NECAB1: variants seen among roughly 807,000 people sequenced by gnomAD.
NECAB1 encodes the protein N-terminal EF-hand calcium-binding protein 1.
Under a neutral mutation model 57.5 loss-of-function variants are expected in NECAB1, and 29 were observed. The ratio of observed to expected loss-of-function variants is 0.50; its 90% confidence interval spans 0.38 to 0.69. NECAB1 has a LOEUF of 0.69. Ranked by LOEUF, NECAB1 falls within the 30% of genes least tolerant of loss-of-function variation. The pLI is 0.00. For missense variants in NECAB1, 372 were observed against 413.8 expected (o/e 0.90, Z 0.88); for synonymous variants, 142 against 147.7 (o/e 0.96, Z 0.28).
chr8:90,906,889 A>ATATATATATATATATATATATG (rs1809678455), intron 5 of NECAB1, among the ~76,000 whole-genome samples: 4 of 72,856 alleles, frequency 5.5e-5, no homozygotes, highest in African/African-American at 2.3e-4. Flanking sequence ...ATATATATAT[A>ATATATATATATATATATATATG]TATATATATA....
At chr8:90,859,128 G>A in intron 3 of NECAB1, 1 of 152,434 alleles carries the variant, frequency 6.6e-6, no homozygotes, top group Non-Finnish European at 1.5e-5. Context: ...GTTGGGGCCA[G>A]CAGCAGTGAG....
chr8:90,839,833 G>A (rs1253122229), intron 3 of NECAB1, among the ~76,000 whole-genome samples: 8 of 152,192 alleles, frequency 5.3e-5, no homozygotes, highest in Non-Finnish European at 8.8e-5. Flanking sequence ...CCTGAGGTCA[G>A]TGCCAAGCCA....
chr8:90,911,155 T>G (rs1434069711), intron 5 of NECAB1, among the ~76,000 whole-genome samples: 2 of 152,118 alleles, frequency 1.3e-5, no homozygotes, highest in Non-Finnish European at 2.9e-5. Context: ...TACACAACTG[T>G]GATACAGAAC....
At position 90,941,096 on chromosome 8, in the gene NECAB1, G is replaced by A. The variant is rs117540320; in HGVS notation, c.860+198G>A. Among the ~76,000 whole-genome samples, 736 of 152,236 alleles carry A rather than the reference G, an allele frequency of 4.8e-3. 3 individuals are homozygous for A. Among genetic ancestry groups the A allele is most frequent in the Non-Finnish European group, 7.6e-3 (517 of 68,022 alleles). ...GTTTTCTCTTTAATCTTTAAACCCC[G>A]TGTCGTCTAATCTTTAAACCCCGTG... On this transcript the variant is annotated intron_variant, in intron 10 of 12. Coordinates refer to ENST00000417640, the MANE Select transcript of NECAB1 (RefSeq NM_022351.5).
intron 2 of NECAB1, chr8:90,812,830 GA>G (rs1811984214): frequency 6.6e-6 from 1 of 152,064 alleles, no homozygotes; most frequent in Non-Finnish European, 1.5e-5. Context: ...ACTACTTCAA[GA>G]AATTATTGTG....
chr8:90,940,513 TCTC>T (rs1478502246), intron 9 of NECAB1: 3 of 337,428 alleles, frequency 8.9e-6, no homozygotes, highest in African/African-American at 6.1e-5. Context: ...TTTTAAAACT[TCTC>T]GAGTCATTGA....
chr8:90,829,202 G>A (rs1470963988), intron 3 of NECAB1, among the ~76,000 whole-genome samples: 1 of 151,892 alleles, frequency 6.6e-6, no homozygotes. Flanking sequence ...AACTAACCTA[G>A]CAAAAACTAA....
intron 4 of NECAB1, among the ~76,000 whole-genome samples, chr8:90,877,087 C>T (rs919331138): frequency 2.0e-5 from 3 of 152,206 alleles, no homozygotes; most frequent in South Asian, 2.1e-4. Flanking sequence ...CAGTCACAAA[C>T]ATGAGAAACT....
In NECAB1 at chr8:90,817,973, T is replaced by A. The variant is rs1222751170; in HGVS notation, c.125-6744T>A. Among the ~76,000 whole-genome samples the A allele has an allele frequency of 3.3e-5, 5 of 151,992 alleles. No individual in the cohort carries two copies. The East Asian group carries it at 9.7e-4, about 29-fold the overall frequency. On this transcript the variant is annotated intron_variant, in intron 2 of 12. Transcript: ENST00000417640. ...TTTTGTAAGGTTATTAATAACTGAT[T>A]ATTTAATATATATCAATCTACGGAG...
chr8:90,856,842 A>T (rs1812804265), intron 3 of NECAB1, among the ~76,000 whole-genome samples: 1 of 152,204 alleles, frequency 6.6e-6, no homozygotes, highest in Non-Finnish European at 1.5e-5. Context: ...CCTCCTAAAG[A>T]TGATCACCTC....
chr8:90,859,537 A>G (rs1020550058), intron 3 of NECAB1, among the ~76,000 whole-genome samples: 5 of 152,184 alleles, frequency 3.3e-5, no homozygotes, highest in Non-Finnish European at 7.4e-5. Context: ...TTAGTCAGTT[A>G]TGATGGTTGA....
At chr8:90,848,275 C>T (rs1812607117) in intron 3 of NECAB1, among the ~76,000 whole-genome samples, 1 of 152,198 alleles carries the variant, frequency 6.6e-6, no homozygotes, top group Non-Finnish European at 1.5e-5. Context: ...TCTAAGACCA[C>T]CTCAGCCTGG....
At chr8:90,882,219 A>G (rs1808855446) in intron 5 of NECAB1, among the ~76,000 whole-genome samples, 2 of 152,202 alleles carry the variant, frequency 1.3e-5, no homozygotes, top group Non-Finnish European at 2.9e-5. Flanking sequence ...GAGGAATAGG[A>G]TCAGAAAGAT....
rs767439424 is a variant in NECAB1 at position 90,860,426 on chromosome 8, G to T, written c.234-11702G>T. On this transcript the variant is annotated intron_variant, in intron 3 of 12. Coordinates refer to ENST00000417640, the MANE Select transcript of NECAB1 (RefSeq NM_022351.5). Reference sequence around the variant, plus strand: ...AAAAACTTATTATCCATGTCTTCAAGAACTTACTAAACTAGTATGAAGATA... The same window carrying T: ...AAAAACTTATTATCCATGTCTTCAATAACTTACTAAACTAGTATGAAGATA... Among the ~76,000 whole-genome samples the T allele has an allele frequency of 5.6e-4, 85 of 152,040 alleles. 2 individuals are homozygous for T. Among genetic ancestry groups the T allele is most frequent in the Middle Eastern group, 3.4e-3 (1 of 292 alleles).
At chr8:90,817,634 A>T (rs190159329) in intron 2 of NECAB1, among the ~76,000 whole-genome samples, 1 of 151,970 alleles carries the variant, frequency 6.6e-6, no homozygotes, top group East Asian at 1.9e-4. Context: ...TTAAATATCA[A>T]TTCAGCCTTC....
chr8:90,803,000 A>C (rs1811786272), intron 2 of NECAB1, among the ~76,000 whole-genome samples: 1 of 151,972 alleles, frequency 6.6e-6, no homozygotes, highest in Non-Finnish European at 1.5e-5. Flanking sequence ...GGGTTCAAGC[A>C]ATTCTCCTGC....
intron 6 of NECAB1, among the ~76,000 whole-genome samples, chr8:90,919,156 C>G (rs1810046238): frequency 6.6e-6 from 1 of 152,114 alleles, no homozygotes; most frequent in Non-Finnish European, 1.5e-5. Context: ...GGGCACACAT[C>G]AAGGTGATCC....
chr8:90,931,409 C>A (rs1810401288), intron 8 of NECAB1, among the ~76,000 whole-genome samples: 1 of 152,210 alleles, frequency 6.6e-6, no homozygotes, highest in African/African-American at 2.4e-5. Flanking sequence ...CATATGTTAT[C>A]TTTTCTCTGC....
At chr8:90,831,119 T>G (rs1188481740) in intron 3 of NECAB1, among the ~76,000 whole-genome samples, 1 of 152,100 alleles carries the variant, frequency 6.6e-6, no homozygotes, top group Admixed American at 6.6e-5. Context: ...GAGGGCCCTC[T>G]CGCTGAGAGG....
Sources: allele counts gnomAD v4.1 joint callset (sites outside exome capture counted in the v4.1 genomes callset), GRCh38; gene constraint gnomAD v4.1.1; transcripts MANE v1.5; gene names NCBI Gene and HGNC (gene_info 2026-07-23, HGNC 2026-07-21).